CACNA2D3: variants seen among roughly 807,000 people sequenced by gnomAD.
CACNA2D3 encodes the protein voltage-dependent calcium channel subunit alpha-2/delta-3.
A neutral mutation model predicts 160.6 loss-of-function variants in CACNA2D3; 60 were observed. That is an observed-to-expected ratio of 0.37 (90% confidence interval 0.30 to 0.46). CACNA2D3 has a LOEUF of 0.46. CACNA2D3 is among the 20% of genes least tolerant of loss of function. The pLI is 1.00. For missense variants in CACNA2D3, 1,205 were observed against 1,365.0 expected (o/e 0.88, Z 1.85); for synonymous variants, 558 against 492.9 (o/e 1.13, Z -1.75).
chr3:55,058,549 T>C (rs191536241), intron 35 of CACNA2D3, among the ~76,000 whole-genome samples: 1 of 152,222 alleles, frequency 6.6e-6, no homozygotes, highest in African/African-American at 2.4e-5. Context: ...GGTTTTAGTT[T>C]CTCTGGTGGT....
At position 54,127,345 on chromosome 3, in the gene CACNA2D3, G is replaced by A. The variant is rs372060914; in HGVS notation, c.204+3751G>A. On this transcript the variant is annotated intron_variant, in intron 2 of 37. Transcript: ENST00000474759. Reference sequence around the variant, plus strand: ...ACATTATCAACTATTTATTGAGAGGGCAGCCTTAATATATAAAGTTGATAT... The same window carrying A: ...ACATTATCAACTATTTATTGAGAGGACAGCCTTAATATATAAAGTTGATAT... 1.1e-4 allele frequency among the ~76,000 whole-genome samples: 16 copies of A among 152,282 alleles called. No homozygotes were observed. The East Asian group carries it at 2.9e-3, about 28-fold the overall frequency.
chr3:54,676,607 C>T (rs1355568278), intron 11 of CACNA2D3, among the ~76,000 whole-genome samples: 2 of 152,068 alleles, frequency 1.3e-5, no homozygotes, highest in African/African-American at 4.8e-5. Flanking sequence ...ATCTTGGTAT[C>T]CAGATCATTG....
At chr3:55,056,985 G>A (rs575098283) in intron 35 of CACNA2D3, among the ~76,000 whole-genome samples, 17 of 152,330 alleles carry the variant, frequency 1.1e-4, no homozygotes, top group African/African-American at 4.1e-4. Context: ...TATTTGAGGT[G>A]ATGGATTCTG....
intron 2 of CACNA2D3, among the ~76,000 whole-genome samples, chr3:54,137,176 A>G (rs925653378): frequency 6.6e-6 from 1 of 152,180 alleles, no homozygotes; most frequent in African/African-American, 2.4e-5. Context: ...GCCTTTCTCA[A>G]TGTGGGCGGC....
At chr3:54,377,902 A>G (rs1009449084) in intron 3 of CACNA2D3, among the ~76,000 whole-genome samples, 2 of 152,238 alleles carry the variant, frequency 1.3e-5, no homozygotes, top group African/African-American at 2.4e-5. Flanking sequence ...AACTCTCTGC[A>G]GGACAGACTT....
In CACNA2D3 at chr3:54,386,708, T is replaced by TTTTC. The variant is rs1302322275; in HGVS notation, c.322-4_322-3insCTTT. On this transcript the variant is annotated splice_polypyrimidine_tract_variant and splice_region_variant and intron_variant, in intron 3 of 37. Coordinates refer to ENST00000474759, the MANE Select transcript of CACNA2D3 (RefSeq NM_018398.3). ...TGCTGTCTTCTGTTTTTTTTTTTTT[T>TTTTC]TTTTAGCGTCTGGTGGAGGCTGCAG... 6.5e-7 allele frequency: 1 copy of TTTTC among 1,533,076 alleles called. No homozygotes were observed. Among genetic ancestry groups the TTTTC allele is most frequent in the African/African-American group, 1.4e-5 (1 of 72,118 alleles). The allele number at this position is 1,533,076 out of a possible 1,614,324, so 95.0% of individuals were successfully genotyped here.
At chr3:54,809,599 T>C (rs1233465149) in intron 13 of CACNA2D3, among the ~76,000 whole-genome samples, 1 of 145,162 alleles carries the variant, frequency 6.9e-6, no homozygotes, top group Non-Finnish European at 1.5e-5. Context: ...ATTACAGGCG[T>C]GAGCCACCGC....
chr3:54,132,293 C>G (rs1562686), intron 2 of CACNA2D3, among the ~76,000 whole-genome samples: 20,081 of 152,284 alleles, frequency 0.13, 1,373 homozygotes, highest in Middle Eastern at 0.26. Context: ...AATTCGCACA[C>G]CAACTCAGAC....
chr3:54,376,331 A>G (rs980029994), intron 3 of CACNA2D3, among the ~76,000 whole-genome samples: 2 of 152,140 alleles, frequency 1.3e-5, no homozygotes, highest in African/African-American at 4.8e-5. Context: ...ACCCCAGCTT[A>G]CTGTTGCATC....
intron 6 of CACNA2D3, among the ~76,000 whole-genome samples, chr3:54,568,224 A>G (rs549268364): frequency 6.6e-6 from 1 of 152,342 alleles, no homozygotes; most frequent in East Asian, 1.9e-4. Context: ...TGTGGGAGAG[A>G]ACCCGTGGGA....
At chr3:54,148,570 G>A (rs760142902) in intron 2 of CACNA2D3, among the ~76,000 whole-genome samples, 5 of 152,156 alleles carry the variant, frequency 3.3e-5, no homozygotes, top group Non-Finnish European at 7.4e-5. Flanking sequence ...AAAAGGAGGT[G>A]GAGTTGGCCA....
chr3:54,213,724 T>C (rs572307448), intron 2 of CACNA2D3, among the ~76,000 whole-genome samples: 1 of 152,356 alleles, frequency 6.6e-6, no homozygotes, highest in South Asian at 2.1e-4. Context: ...TTGTCAGGTT[T>C]TCTTCTAATA....
chr3:54,228,807 A>G (rs370175141), intron 2 of CACNA2D3, among the ~76,000 whole-genome samples: 1 of 152,214 alleles, frequency 6.6e-6, no homozygotes, highest in African/African-American at 2.4e-5. Context: ...ATTGTCAAGC[A>G]TGGAGTCTGG....
chr3:54,827,324 G>C (rs892996227), intron 14 of CACNA2D3, among the ~76,000 whole-genome samples: 4 of 152,228 alleles, frequency 2.6e-5, no homozygotes, highest in Non-Finnish European at 5.9e-5. Context: ...ACGTTTGGTA[G>C]CAAGTACAAA....
At chr3:54,555,872 G>A (rs1001777731) in intron 5 of CACNA2D3, among the ~76,000 whole-genome samples, 8 of 152,170 alleles carry the variant, frequency 5.3e-5, no homozygotes, top group African/African-American at 1.9e-4. Flanking sequence ...TTGACATTCA[G>A]CAAAGTGATT....
At chr3:54,358,656 C>T (rs540350668) in intron 3 of CACNA2D3, among the ~76,000 whole-genome samples, 167 of 152,322 alleles carry the variant, frequency 1.1e-3, no homozygotes, top group African/African-American at 3.9e-3. Flanking sequence ...GTGGCTTCTT[C>T]TCTGAAAAAT....
intron 21 of CACNA2D3, among the ~76,000 whole-genome samples, chr3:54,883,799 A>ATCAATCTCTCTCTCTCTCTC: frequency 9.3e-6 from 1 of 107,480 alleles, no homozygotes; most frequent in East Asian, 3.5e-4. Flanking sequence ...TTACAATGGA[A>ATCAATCTCTCTCTCTCTCTC]TCTCTCTCTC....
intron 2 of CACNA2D3, among the ~76,000 whole-genome samples, chr3:54,192,566 G>A (rs2107338557): frequency 6.6e-6 from 1 of 152,216 alleles, no homozygotes. Flanking sequence ...AGGGTCTTGG[G>A]CAGATGACTC....
At chr3:55,043,662 G>T (rs1704010767) in intron 35 of CACNA2D3, among the ~76,000 whole-genome samples, 1 of 152,026 alleles carries the variant, frequency 6.6e-6, no homozygotes, top group South Asian at 2.1e-4. Flanking sequence ...CCCATTGATT[G>T]ACTTTTTAAT....
Sources: gnomAD v4.1 joint callset for allele counts (sites outside exome capture counted in the v4.1 genomes callset) on GRCh38, gnomAD v4.1.1 for gene constraint, MANE v1.5 for transcripts, NCBI Gene and HGNC (gene_info 2026-07-23, HGNC 2026-07-21) for gene names.